Variants in CTNND2 observed in about 807,000 individuals in gnomAD.
CTNND2 encodes catenin delta 2, also known as catenin delta-2.
A neutral mutation model predicts 144.4 loss-of-function variants in CTNND2; 22 were observed. The observed-to-expected ratio is 0.15, with a 90% CI of 0.11 to 0.22. The LOEUF is 0.22. Among genes scored for constraint, CTNND2 ranks in the 10% least tolerant of loss-of-function variants. The pLI is 1.00. For synonymous variants in CTNND2, 751 were observed against 695.6 expected (o/e 1.08, Z -1.25); for missense variants, 1,353 against 1,618.8 (o/e 0.84, Z 2.82).
At chr5:11,302,790 T>C (rs1421115613) in intron 9 of CTNND2, among the ~76,000 whole-genome samples, 3 of 152,072 alleles carry the variant, frequency 2.0e-5, no homozygotes, top group Admixed American at 1.3e-4. Context: ...AAATAGAGGA[T>C]GTAAATAAAT....
At chr5:11,140,647 T>C (rs531945835) in intron 12 of CTNND2, among the ~76,000 whole-genome samples, 1 of 152,266 alleles carries the variant, frequency 6.6e-6, no homozygotes, top group South Asian at 2.1e-4. Context: ...GGAGAGCCCA[T>C]TCACCCCCAG....
intron 16 of CTNND2, among the ~76,000 whole-genome samples, chr5:11,075,759 T>G (rs1409008856): frequency 3.9e-5 from 6 of 152,238 alleles, no homozygotes; most frequent in Non-Finnish European, 8.8e-5. Context: ...CATTACTATT[T>G]CCTTTCCAAT....
chr5:11,636,310 C>A (rs1781701465), intron 2 of CTNND2, among the ~76,000 whole-genome samples: 1 of 152,124 alleles, frequency 6.6e-6, no homozygotes, highest in African/African-American at 2.4e-5. Flanking sequence ...ACCTGGAAAT[C>A]ATCTTGTCTT....
chr5:11,156,252 T>C (rs981944285), intron 12 of CTNND2, among the ~76,000 whole-genome samples: 3 of 152,248 alleles, frequency 2.0e-5, no homozygotes, highest in African/African-American at 7.2e-5. Context: ...CAATATAATT[T>C]GCATTCATAG....
intron 3 of CTNND2, among the ~76,000 whole-genome samples, chr5:11,529,343 T>A (rs1296003970): frequency 6.6e-6 from 1 of 152,256 alleles, no homozygotes; most frequent in South Asian, 2.1e-4. Context: ...AAAATTCAAA[T>A]GCTTTATAAA....
At position 11,236,793 on chromosome 5, in the gene CTNND2, C is replaced by G. The variant is rs372124459; in HGVS notation, c.1659G>C (p.Pro553=). ...GGTGCTGCAACATCTGAATCACTTC[C>G]GGCAGTTCCGGGTCTCTCCATCCAA... is the stretch of plus-strand genomic sequence containing the variant. ...REFGWRDPEL[P]EVIQMLQHQF... is the part of the protein sequence containing the mutation. The change falls in exon 10 of 22, where the codon CCG becomes CCC. Residue 553 remains proline, a synonymous_variant. Coordinates refer to ENST00000304623, the MANE Select transcript of CTNND2 (RefSeq NM_001332.4). 5 of 1,614,088 alleles carry G rather than the reference C, an allele frequency of 3.1e-6. No individual in the cohort carries two copies. The East Asian group carries it at 6.7e-5, about 22-fold the overall frequency.
chr5:11,127,130 C>A (rs2149708938), intron 12 of CTNND2, among the ~76,000 whole-genome samples: 1 of 152,336 alleles, frequency 6.6e-6, no homozygotes, highest in Non-Finnish European at 1.5e-5. Flanking sequence ...GCATATAATT[C>A]TCCATTTTTA....
intron 10 of CTNND2, among the ~76,000 whole-genome samples, chr5:11,226,347 T>C (rs1014834167): frequency 9.2e-5 from 14 of 152,224 alleles, no homozygotes; most frequent in Non-Finnish European, 7.3e-5. Context: ...CTTATTGCTG[T>C]CCACCCGCTT....
intron 3 of CTNND2, among the ~76,000 whole-genome samples, chr5:11,414,104 G>A (rs769062367): frequency 2.6e-5 from 4 of 152,136 alleles, no homozygotes; most frequent in Non-Finnish European, 4.4e-5. Flanking sequence ...AAATGGAGAA[G>A]GGCAGGCCAT....
chr5:11,818,658 G>T (rs1158326431), intron 1 of CTNND2, among the ~76,000 whole-genome samples: 6 of 151,976 alleles, frequency 3.9e-5, no homozygotes, highest in Admixed American at 3.9e-4. Context: ...GTTAGCCACC[G>T]CCCACGGCCC....
chr5:11,542,599 C>A (rs1774861341), intron 3 of CTNND2, among the ~76,000 whole-genome samples: 1 of 151,968 alleles, frequency 6.6e-6, no homozygotes, highest in South Asian at 2.1e-4. Flanking sequence ...TGTATGTATT[C>A]AATAATATAC....
intron 2 of CTNND2, among the ~76,000 whole-genome samples, chr5:11,705,920 A>G (rs991276266): frequency 6.6e-6 from 1 of 152,146 alleles, no homozygotes; most frequent in African/African-American, 2.4e-5. Context: ...TTATCTTGGG[A>G]ATAGACTCAC....
intron 1 of CTNND2, among the ~76,000 whole-genome samples, chr5:11,901,236 C>A (rs1234017340): frequency 6.6e-6 from 1 of 152,290 alleles, no homozygotes; most frequent in East Asian, 1.9e-4. Flanking sequence ...TCATACCACA[C>A]AAGAAAGAAG....
At chr5:11,886,249 A>T (rs1736523413) in intron 1 of CTNND2, among the ~76,000 whole-genome samples, 1 of 152,136 alleles carries the variant, frequency 6.6e-6, no homozygotes, top group Non-Finnish European at 1.5e-5. Context: ...AGATAAATAA[A>T]ATGACAAATA....
At chr5:11,381,379 C>T (rs1758463029) in intron 7 of CTNND2, among the ~76,000 whole-genome samples, 1 of 152,330 alleles carries the variant, frequency 6.6e-6, no homozygotes, top group South Asian at 2.1e-4. Context: ...ATCAAGTTCT[C>T]CACAAGACTT....
rs1202300626 is a variant in CTNND2 at position 11,119,119 on chromosome 5, G to A, written c.2160-1552C>T. On this transcript the variant is annotated intron_variant, in intron 12 of 21. Transcript: ENST00000304623. ...TCTCTACCTAGCATTCAGCTGAGGA[G>A]GAGCTGGAACAAAACCTGTGAAGAT... Among the ~76,000 whole-genome samples, 6 of 152,130 alleles carry A rather than the reference G, an allele frequency of 3.9e-5. No homozygotes were observed. In the South Asian group the frequency reaches 1.0e-3, roughly 26 times the overall value.
At chr5:11,793,166 C>T (rs553337596) in intron 1 of CTNND2, among the ~76,000 whole-genome samples, 1 of 152,280 alleles carries the variant, frequency 6.6e-6, no homozygotes, top group East Asian at 1.9e-4. Flanking sequence ...GCTCCCGACC[C>T]TTACTATAAA....
At position 10,972,555 on chromosome 5, in the gene CTNND2, T is replaced by C. The variant is rs1005496785; in HGVS notation, c.*898A>G. On this transcript the variant is annotated 3_prime_UTR_variant, in exon 22 of 22. Transcript: ENST00000304623. ...ATGACAGATCAATTGTAATTTATTT[T>C]CTTTTAACACTGTATCATCATAAAG... 25 of 152,690 alleles carry C rather than the reference T, an allele frequency of 1.6e-4. No individual in the cohort carries two copies. The highest frequency in any genetic ancestry group is 5.3e-4 in the African/African-American group (22 of 41,462). The allele number at this position is 152,690 out of a possible 1,614,324, so 9.5% of individuals were successfully genotyped here.
chr5:11,552,560 C>T (rs1045849013), intron 3 of CTNND2, among the ~76,000 whole-genome samples: 5 of 152,212 alleles, frequency 3.3e-5, no homozygotes, highest in African/African-American at 4.8e-5. Flanking sequence ...AGCCAAGGCT[C>T]TTTGTGTGTC....
Sources: allele counts gnomAD v4.1 joint callset (sites outside exome capture counted in the v4.1 genomes callset), GRCh38; gene constraint gnomAD v4.1.1; transcripts MANE v1.5; gene names NCBI Gene and HGNC (gene_info 2026-07-23, HGNC 2026-07-21).